TBC1D22A: variants seen among roughly 807,000 people sequenced by gnomAD.
The protein encoded by TBC1D22A is TBC1 domain family member 22A.
In TBC1D22A, 38 loss-of-function variants were observed where a neutral mutation model predicts 60.2. The ratio of observed to expected loss-of-function variants is 0.63; its 90% CI spans 0.49 to 0.83. The LOEUF is 0.83. Among genes scored for constraint, TBC1D22A ranks in the 40% least tolerant of loss-of-function variants. The pLI is 0.00. For synonymous variants in TBC1D22A, 302 were observed against 281.7 expected, an observed-to-expected ratio of 1.07 and a Z score of -0.72; for missense variants, 628 against 701.0, an observed-to-expected ratio of 0.90 and a Z score of 1.18.
chr22:47,143,607 C>G (rs146007404), intron 12 of TBC1D22A, among the ~76,000 whole-genome samples: 55 of 152,354 alleles, frequency 3.6e-4, no homozygotes, highest in African/African-American at 1.3e-3. Flanking sequence ...AAACTGGGTC[C>G]TGGGAAATGC....
At chr22:46,898,425 G>T (rs2068799555) in intron 7 of TBC1D22A, among the ~76,000 whole-genome samples, 1 of 152,180 alleles carries the variant, frequency 6.6e-6, no homozygotes, top group South Asian at 2.1e-4. Context: ...GATTTTCAGG[G>T]CTCCAAATTT....
chr22:46,821,190 T>C (rs1363735238), intron 4 of TBC1D22A, among the ~76,000 whole-genome samples: 1 of 152,152 alleles, frequency 6.6e-6, no homozygotes, highest in Non-Finnish European at 1.5e-5. Flanking sequence ...CCTTATCCAG[T>C]TTGCCAGTCT....
At chr22:47,161,025 G>A (rs2067962468) in intron 12 of TBC1D22A, among the ~76,000 whole-genome samples, 1 of 152,196 alleles carries the variant, frequency 6.6e-6, no homozygotes, top group Non-Finnish European at 1.5e-5. Flanking sequence ...GGGAAGAAGG[G>A]GGGCAGCCCA....
intron 12 of TBC1D22A, among the ~76,000 whole-genome samples, chr22:47,125,146 C>T (rs997823585): frequency 3.9e-5 from 6 of 152,126 alleles, no homozygotes; most frequent in African/African-American, 1.4e-4. Flanking sequence ...GACATCTCTG[C>T]CCCATTGAGT....
Position 46,853,965 on chromosome 22 carries a change from A to AT in TBC1D22A, c.638-24682dup, listed in dbSNP as rs2087428743. Among the ~76,000 whole-genome samples, 5 of 151,878 alleles carry AT rather than the reference A, an allele frequency of 3.3e-5. No individual in the cohort carries two copies. The South Asian group carries it at 1.0e-3, about 32-fold the overall frequency. ...TGCACCAATGGACACTTCGTGAAAAATTTTTTCCCAGGGTTCTGTGACATT... is the reference window on the plus strand; with the variant it reads ...TGCACCAATGGACACTTCGTGAAAAATTTTTTTCCCAGGGTTCTGTGACATT... On this transcript the variant is annotated intron_variant, in intron 4 of 12. Transcript: ENST00000337137.
chr22:46,763,132 T>C (rs974653746), intron 1 of TBC1D22A: 11 of 403,784 alleles, frequency 2.7e-5, no homozygotes, highest in African/African-American at 2.3e-4. Flanking sequence ...CTGGGCTCCT[T>C]GGGGAGGCTG....
At chr22:46,837,848 G>A (rs1374534763) in intron 4 of TBC1D22A, among the ~76,000 whole-genome samples, 1 of 152,232 alleles carries the variant, frequency 6.6e-6, no homozygotes, top group African/African-American at 2.4e-5. Context: ...GGATCACGAG[G>A]TCAGGAGTTC....
At chr22:46,855,341 G>A (rs1432431343) in intron 4 of TBC1D22A, among the ~76,000 whole-genome samples, 1 of 152,222 alleles carries the variant, frequency 6.6e-6, no homozygotes, top group Non-Finnish European at 1.5e-5. Flanking sequence ...TAGACAGGTG[G>A]AGGGTTTTGT....
chr22:46,913,832 A>C, intron 8 of TBC1D22A: 2 of 899,092 alleles, frequency 2.2e-6, no homozygotes, highest in Non-Finnish European at 2.7e-6. Context: ...AGCGATTCTT[A>C]ATGCATTTGC....
chr22:46,926,555 C>T (rs2071059135), intron 8 of TBC1D22A, among the ~76,000 whole-genome samples: 1 of 152,312 alleles, frequency 6.6e-6, no homozygotes, highest in Non-Finnish European at 1.5e-5. Flanking sequence ...TTTGGTCCAA[C>T]TCCAGTCTAT....
intron 11 of TBC1D22A, among the ~76,000 whole-genome samples, chr22:47,095,945 A>G (rs1290660589): frequency 6.6e-6 from 1 of 152,246 alleles, no homozygotes; most frequent in Non-Finnish European, 1.5e-5. Flanking sequence ...AGGCTGAGTC[A>G]TATGGATGAG....
intron 9 of TBC1D22A, among the ~76,000 whole-genome samples, chr22:46,976,973 A>G (rs2074323963): frequency 1.3e-5 from 2 of 152,200 alleles, no homozygotes; most frequent in African/African-American, 4.8e-5. Context: ...CCCCATGGGA[A>G]TGAATGTGAG....
At chr22:46,791,628 G>A (rs2084413128) in intron 1 of TBC1D22A, among the ~76,000 whole-genome samples, 1 of 151,758 alleles carries the variant, frequency 6.6e-6, no homozygotes, top group African/African-American at 2.4e-5. Flanking sequence ...CGTGGCTGAC[G>A]TCAGCCAAAG....
intron 1 of TBC1D22A, among the ~76,000 whole-genome samples, chr22:46,790,560 G>A (rs2084362793): frequency 1.3e-5 from 2 of 152,068 alleles, no homozygotes; most frequent in Non-Finnish European, 2.9e-5. Context: ...TTTTTACAAA[G>A]CAGTGAGAAA....
chr22:46,985,271 G>A (rs1385980613), intron 9 of TBC1D22A, among the ~76,000 whole-genome samples: 9 of 152,280 alleles, frequency 5.9e-5, no homozygotes, highest in Admixed American at 5.9e-4. Context: ...CCTGGGGTGG[G>A]GGAATGAATG....
chr22:47,158,270 G>A lies in TBC1D22A; in HGVS notation c.1426-15228G>A, dbSNP rs9626943. On this transcript the variant is annotated intron_variant, in intron 12 of 12. Transcript: ENST00000337137. ...AGGATCAGCTCTACGTGACCCAGAC[G>A]CTTAAGCACATTGAGAGCTGCAACA... Among the ~76,000 whole-genome samples the A allele has an allele frequency of 6.2e-3, 945 of 152,334 alleles. 13 individuals carry two copies. The highest frequency in any genetic ancestry group is 0.021 in the African/African-American group (884 of 41,570).
At chr22:47,008,098 C>G (rs562615863) in intron 10 of TBC1D22A, among the ~76,000 whole-genome samples, 14 of 152,144 alleles carry the variant, frequency 9.2e-5, no homozygotes, top group Non-Finnish European at 1.5e-4. Context: ...TCTTTGAAAT[C>G]GAGTCTTTGA....
chr22:47,073,839 T>C (rs1287498013), intron 11 of TBC1D22A, among the ~76,000 whole-genome samples: 3 of 152,202 alleles, frequency 2.0e-5, no homozygotes, highest in African/African-American at 7.2e-5. Flanking sequence ...TAAAAGACTA[T>C]GATTCAGGCT....
chr22:46,882,793 C>T (rs1465321962), intron 5 of TBC1D22A, among the ~76,000 whole-genome samples: 1 of 152,134 alleles, frequency 6.6e-6, no homozygotes, highest in Non-Finnish European at 1.5e-5. Flanking sequence ...AGGCAGATAA[C>T]CAAAGCTGTG....
Sources: gnomAD v4.1 joint callset for allele counts (sites outside exome capture counted in the v4.1 genomes callset) on GRCh38, gnomAD v4.1.1 for gene constraint, MANE v1.5 for transcripts, NCBI Gene and HGNC (gene_info 2026-07-23, HGNC 2026-07-21) for gene names.